The following ADAM23 variants were observed in gnomAD, a reference collection of about 807,000 sequenced individuals.
ADAM23 encodes disintegrin and metalloproteinase domain-containing protein 23.
A neutral mutation model predicts 120.1 loss-of-function variants in ADAM23; 33 were observed. The observed-to-expected ratio is 0.27, with a 90% confidence interval of 0.21 to 0.37. ADAM23 has a LOEUF of 0.37. ADAM23 is among the 10% of genes least tolerant of loss of function. The probability of loss-of-function intolerance (pLI) is 1.00; values close to 1 mark genes in which losing one functional copy is unlikely to be tolerated. For missense variants in ADAM23, 862 were observed against 1,058.2 expected, an observed-to-expected ratio of 0.81 and a Z score of 2.57; for synonymous variants, 367 against 375.2, an observed-to-expected ratio of 0.98 and a Z score of 0.25.
intron 3 of ADAM23, among the ~76,000 whole-genome samples, chr2:206,482,073 C>A (rs943475558): frequency 6.6e-6 from 1 of 152,146 alleles, no homozygotes; most frequent in Admixed American, 6.6e-5. Flanking sequence ...AAGAAAAATA[C>A]CTGTTAATGC....
intron 18 of ADAM23, among the ~76,000 whole-genome samples, chr2:206,573,836 A>G (rs1180636436): frequency 6.6e-6 from 1 of 151,796 alleles, no homozygotes; most frequent in African/African-American, 2.4e-5. Context: ...TTTAAGAAAC[A>G]TCAGAAGCAG....
chr2:206,523,527 G>T (rs565448266), intron 3 of ADAM23, among the ~76,000 whole-genome samples: 1 of 152,010 alleles, frequency 6.6e-6, no homozygotes, highest in Non-Finnish European at 1.5e-5. Flanking sequence ...ATCTTTTAAC[G>T]TAGCTTAAAA....
chr2:206,467,888 C>T (rs896954217), intron 2 of ADAM23, among the ~76,000 whole-genome samples: 2 of 152,156 alleles, frequency 1.3e-5, no homozygotes, highest in African/African-American at 4.8e-5. Context: ...TGTGCACCGG[C>T]AGGCTTAATG....
chr2:206,588,273 A>G, intron 20 of ADAM23, 119 bp downstream of exon 20: 2 of 1,038,938 alleles, frequency 1.9e-6, no homozygotes, highest in East Asian at 5.3e-5. Flanking sequence ...AAAAATCTAG[A>G]AAGGATGAGA....
At chr2:206,507,659 T>C (rs1460978397) in intron 3 of ADAM23, among the ~76,000 whole-genome samples, 1 of 152,236 alleles carries the variant, frequency 6.6e-6, no homozygotes, top group African/African-American at 2.4e-5. Context: ...TATGGCTTTT[T>C]CCTGCGTGCT....
chr2:206,447,573 C>T (rs1177029522), intron 2 of ADAM23, among the ~76,000 whole-genome samples: 2 of 152,158 alleles, frequency 1.3e-5, no homozygotes, highest in African/African-American at 2.4e-5. Context: ...TTTTAAGCAT[C>T]TCTTGAAGTA....
intron 9 of ADAM23, among the ~76,000 whole-genome samples, chr2:206,554,335 A>G (rs938897811): frequency 4.6e-5 from 7 of 152,162 alleles, no homozygotes; most frequent in African/African-American, 1.7e-4. Flanking sequence ...GTCTGCAAAC[A>G]TGTCTTTGAG....
At chr2:206,499,546 G>A (rs1023633700) in intron 3 of ADAM23, among the ~76,000 whole-genome samples, 6 of 151,002 alleles carry the variant, frequency 4.0e-5, no homozygotes, top group South Asian at 4.2e-4. Context: ...GCTAAATGAC[G>A]AGTTAATGGG....
At chr2:206,487,363 CT>C (rs898420854) in intron 3 of ADAM23, among the ~76,000 whole-genome samples, 34 of 152,068 alleles carry the variant, frequency 2.2e-4, no homozygotes, top group African/African-American at 7.0e-4. Context: ...ACTATGTAAT[CT>C]TTTCTCTCTT....
At position 206,618,841 on chromosome 2, in the gene ADAM23, C is replaced by A. The variant is rs1698986891; in HGVS notation, c.*1214C>A. On this transcript the variant is annotated 3_prime_UTR_variant, in exon 26 of 26. Coordinates refer to ENST00000264377, the MANE Select transcript of ADAM23 (RefSeq NM_003812.4). Reference sequence around the variant, plus strand: ...TGTAAATAATGTAAGAAAGTAGACACCCTTTCAGATTAATCACAAAAGTGC... The same window carrying A: ...TGTAAATAATGTAAGAAAGTAGACAACCTTTCAGATTAATCACAAAAGTGC... 6.6e-6 allele frequency: 1 copy of A among 152,170 alleles called. No individual in the cohort carries two copies. The highest frequency in any genetic ancestry group is 2.1e-4 in the South Asian group (1 of 4,826). The allele number at this position is 152,170 out of a possible 1,614,324, so 9.4% of individuals were successfully genotyped here. A position where few individuals can be genotyped will look rare whatever the true frequency, so the allele number is the denominator to read the frequency against.
At chr2:206,533,282 A>G in intron 4 of ADAM23, among the ~76,000 whole-genome samples, 1 of 151,942 alleles carries the variant, frequency 6.6e-6, no homozygotes, top group East Asian at 1.9e-4. Context: ...GCTCACTGCA[A>G]CCTCCACCTT....
At chr2:206,450,255 A>G (rs1695165584) in intron 2 of ADAM23, among the ~76,000 whole-genome samples, 1 of 152,208 alleles carries the variant, frequency 6.6e-6, no homozygotes. Flanking sequence ...ACATGGGGAA[A>G]AGATTTCCCT....
At chr2:206,509,932 A>G (rs925222484) in intron 3 of ADAM23, among the ~76,000 whole-genome samples, 10 of 152,184 alleles carry the variant, frequency 6.6e-5, no homozygotes, top group Non-Finnish European at 1.0e-4. Flanking sequence ...CTTTGACATT[A>G]GCTAATAGTT....
intron 3 of ADAM23, among the ~76,000 whole-genome samples, chr2:206,506,691 T>C (rs1174109631): frequency 6.6e-6 from 1 of 152,256 alleles, no homozygotes; most frequent in Non-Finnish European, 1.5e-5. Context: ...ATCTAGTCTG[T>C]TTATTTTTCT....
intron 2 of ADAM23, among the ~76,000 whole-genome samples, chr2:206,468,509 TC>T (rs1192302263): frequency 6.6e-6 from 1 of 152,150 alleles, no homozygotes; most frequent in Non-Finnish European, 1.5e-5. Flanking sequence ...CCCAATAAGT[TC>T]CTCTTCTCCA....
chr2:206,522,327 CCTTA>C (rs1696861656), intron 3 of ADAM23, among the ~76,000 whole-genome samples: 1 of 151,982 alleles, frequency 6.6e-6, no homozygotes, highest in Middle Eastern at 3.4e-3. Context: ...TAACCAGTCA[CCTTA>C]CTTAACTGTT....
At chr2:206,460,183 G>A in intron 2 of ADAM23, among the ~76,000 whole-genome samples, 1 of 151,710 alleles carries the variant, frequency 6.6e-6, no homozygotes, top group Non-Finnish European at 1.5e-5. Context: ...GTTATAGTTG[G>A]TTGGCAGGAA....
At chr2:206,476,888 G>T (rs1695786428) in intron 2 of ADAM23, among the ~76,000 whole-genome samples, 1 of 152,142 alleles carries the variant, frequency 6.6e-6, no homozygotes, top group African/African-American at 2.4e-5. Context: ...ACGCTCTACA[G>T]AACTCACAAA....
intron 3 of ADAM23, among the ~76,000 whole-genome samples, chr2:206,486,070 C>G (rs1459840741): frequency 6.6e-6 from 1 of 152,198 alleles, no homozygotes; most frequent in African/African-American, 2.4e-5. Context: ...GAGGAAGCAG[C>G]TGTGCAGTCA....
Sources: allele counts gnomAD v4.1 joint callset (sites outside exome capture counted in the v4.1 genomes callset), GRCh38; gene constraint gnomAD v4.1.1; transcripts MANE v1.5; gene names NCBI Gene and HGNC (gene_info 2026-07-23, HGNC 2026-07-21).